The following SRMS variants were observed in gnomAD, a reference collection of about 807,000 sequenced individuals.
The protein encoded by SRMS is src-related kinase lacking C-terminal regulatory tyrosine and N-terminal myristylation sites.
SRMS carries 42 observed loss-of-function variants against 43.5 expected under a neutral mutation model. The observed-to-expected ratio is 0.97, with a 90% CI of 0.75 to 1.25. The LOEUF (loss-of-function observed/expected upper bound fraction) is 1.25, where lower values mean the gene tolerates loss of function less well. Among genes scored for constraint, SRMS ranks in the 50% most tolerant of loss-of-function variants. The pLI is 0.00. For missense variants in SRMS, 703 were observed against 681.0 expected, an observed-to-expected ratio of 1.03 and a Z score of -0.36; for synonymous variants, 316 against 308.2, an observed-to-expected ratio of 1.03 and a Z score of -0.27.
In SRMS at chr20:63,539,401, C is replaced by T. The variant is rs749321711; in HGVS notation, c.*1417G>A. Among the ~76,000 whole-genome samples, 16 of 152,208 alleles carry T rather than the reference C, an allele frequency of 1.1e-4. No individual in the cohort carries two copies. Among genetic ancestry groups the T allele is most frequent in the Non-Finnish European group, 1.9e-4 (13 of 68,030 alleles). ...GCTCCCTCCTGAGCCAGGCTTTGGC[C>T]GGGGCCTGTGGACGGCAGCCATCAG... On this transcript the variant is annotated 3_prime_UTR_variant, in exon 8 of 8. Transcript: ENST00000217188.
chr20:63,546,195 C>T (rs2082729642), intron 1 of SRMS, among the ~76,000 whole-genome samples: 1 of 152,160 alleles, frequency 6.6e-6, no homozygotes, highest in Non-Finnish European at 1.5e-5. Context: ...AGGCTGCTTG[C>T]CCCCCAACCA....
chr20:63,544,814 C>G (rs2082722661), intron 1 of SRMS, among the ~76,000 whole-genome samples: 1 of 152,230 alleles, frequency 6.6e-6, no homozygotes, highest in Non-Finnish European at 1.5e-5. Context: ...CTGCCTCAGG[C>G]AGTTGGTTAG....
rs2082703527 is a variant in SRMS at position 63,541,516 on chromosome 20, A to G, written c.1051T>C (p.Leu351=). ...LEEQRVVHRD[L]AARNVLVDDG... ...TCCACGAGCACGTTCCGGGCGGCCAAGTCCCGGTGCACAACGCGCTGCTCC... is the reference window on the plus strand; with the variant it reads ...TCCACGAGCACGTTCCGGGCGGCCAGGTCCCGGTGCACAACGCGCTGCTCC... Residue 351 remains leucine, a synonymous_variant, in exon 6 of 8, where the codon TTG becomes CTG. Transcript: ENST00000217188. 1.2e-6 allele frequency: 2 copies of G among 1,605,736 alleles called. No individual in the cohort carries two copies. Among genetic ancestry groups the G allele is most frequent in the East Asian group, 4.5e-5 (2 of 44,594 alleles).
Position 63,541,422 on chromosome 20 carries a change from C to T in SRMS, c.1128+17G>A. 1.3e-6 allele frequency: 2 copies of T among 1,588,042 alleles called. No individual in the cohort carries two copies. Among genetic ancestry groups the T allele is most frequent in the Non-Finnish European group, 1.7e-6 (2 of 1,169,728 alleles). ...CACCCACCCCCTCTGGGTCAGGGGCCCAGAGCCTCCGCTGACCTTGAGCAG... is the reference window on the plus strand; with the variant it reads ...CACCCACCCCCTCTGGGTCAGGGGCTCAGAGCCTCCGCTGACCTTGAGCAG... On this transcript the variant is annotated intron_variant, in intron 6 of 7. Transcript: ENST00000217188.
rs528172822 is a variant in SRMS at position 63,540,538 on chromosome 20, C to T, written c.*280G>A. Among the ~76,000 whole-genome samples the T allele has an allele frequency of 4.0e-5, 6 of 151,034 alleles. No individual in the cohort carries two copies. Among genetic ancestry groups the T allele is most frequent in the Non-Finnish European group, 5.9e-5 (4 of 67,732 alleles). ...CTCCGTCTGCACGAGTCACACTGCA[C>T]GGGGAACGTCAGCCCCAGCCCTTCG... On this transcript the variant is annotated 3_prime_UTR_variant, in exon 8 of 8. Coordinates refer to ENST00000217188, the MANE Select transcript of SRMS (RefSeq NM_080823.4).
chr20:63,544,339 A>G lies in SRMS; in HGVS notation c.366T>C (p.Phe122=), dbSNP rs116884515. 6.5e-4 allele frequency: 957 copies of G among 1,472,478 alleles called. 17 individuals carry two copies. The East Asian group carries it at 0.027, about 41-fold the overall frequency. The allele number at this position is 1,472,478 out of a possible 1,614,324, so 91.2% of individuals were successfully genotyped here. A position where few individuals can be genotyped will look rare whatever the true frequency, so the allele number is the denominator to read the frequency against. The change falls in exon 2 of 8, where the codon TTT becomes TTC. Residue 122 remains phenylalanine (F), a synonymous_variant. Coordinates refer to ENST00000217188, the MANE Select transcript of SRMS (RefSeq NM_080823.4). ...GTGCCTGGGTCCGACTGACCCCGCT[A>G]AAGTACCAGCTGCAAACAGCAGGTG... ...PETLSDQPWY[F]SGVSRTQAQQ... is the part of the protein sequence containing the mutation.
chr20:63,547,567 G>A lies in SRMS; in HGVS notation c.-104C>T. On this transcript the variant is annotated 5_prime_UTR_variant, in exon 1 of 8. Transcript: ENST00000217188. ...CCCGGTGTCCAGCGCTCCCTGCCCT[G>A]GCCGTGGGGTGACAGGGGACCCCGG... The A allele has an allele frequency of 8.8e-7, 1 of 1,141,996 alleles. No individual in the cohort carries two copies. Among genetic ancestry groups the A allele is most frequent in the Non-Finnish European group, 1.2e-6 (1 of 847,722 alleles). 70.7% of individuals were successfully genotyped at this position (1,141,996 alleles called of 1,614,324 possible).
At chr20:63,541,027 C>G (rs557057229) in intron 7 of SRMS, 28 bp from the exon 8 acceptor site, 2 of 1,606,926 alleles carry the variant, frequency 1.2e-6, no homozygotes, top group Non-Finnish European at 1.7e-6. Context: ...AGAGCTGCCT[C>G]GATTCTGCCT....
At chr20:63,546,142 G>C (rs1210195879) in intron 1 of SRMS, among the ~76,000 whole-genome samples, 1 of 152,246 alleles carries the variant, frequency 6.6e-6, no homozygotes, top group African/African-American at 2.4e-5. Flanking sequence ...GAAGGGGTCT[G>C]TCCTCCACAC....
intron 1 of SRMS, 76 bp from the exon 2 acceptor site, chr20:63,544,424 G>T (rs1035270114): frequency 7.2e-7 from 1 of 1,390,110 alleles, no homozygotes; most frequent in African/African-American, 1.5e-5. Flanking sequence ...CCGTGTTGCC[G>T]GCAGGGCTGA....
At chr20:63,544,498 G>A in intron 1 of SRMS, 150 bp from the exon 2 acceptor site, 1 of 1,054,168 alleles carries the variant, frequency 9.5e-7, no homozygotes, top group South Asian at 2.1e-5. Context: ...CCAGCTCAAG[G>A]TCTGCACTGC....
chr20:63,546,435 G>A (rs1329196070), intron 1 of SRMS, among the ~76,000 whole-genome samples: 16 of 152,316 alleles, frequency 1.1e-4, no homozygotes, highest in South Asian at 1.0e-3. Flanking sequence ...CAGAGCAGCC[G>A]CACTGGGCAT....
chr20:63,541,598 A>G lies in SRMS; in HGVS notation c.969T>C (p.Arg323=), dbSNP rs770847864. 1 of 1,561,198 alleles carries G rather than the reference A, an allele frequency of 6.4e-7. No individual in the cohort carries two copies. The highest frequency in any genetic ancestry group is 1.2e-5 in the South Asian group (1 of 86,680). Residue 323 remains arginine, a synonymous_variant, in exon 6 of 8, where the codon CGT becomes CGC. Coordinates refer to ENST00000217188, the MANE Select transcript of SRMS (RefSeq NM_080823.4). ...FLGTPEGRAL[R]LPPLLGFACQ... ...AGGCAAAGCCCAGGAGTGGCGGCAG[A>G]CGCAGGGCCCGGCCCTCGGGGGCTG... is the stretch of plus-strand genomic sequence containing the variant.
chr20:63,547,021 G>T lies in SRMS; in HGVS notation c.356+87C>A. 3 of 1,208,102 alleles carry T rather than the reference G, an allele frequency of 2.5e-6. No homozygotes were observed. The Admixed American group carries it at 7.4e-5, about 30-fold the overall frequency. 74.8% of individuals were successfully genotyped at this position (1,208,102 alleles called of 1,614,324 possible). A position where few individuals can be genotyped will look rare whatever the true frequency, so the allele number is the denominator to read the frequency against. ...TGAATGAACAGATAGCCACGGACAT[G>T]CGATTTCCAACTCAAAATCCTGCCG... On this transcript the variant is annotated intron_variant, in intron 1 of 7. Coordinates refer to ENST00000217188, the MANE Select transcript of SRMS (RefSeq NM_080823.4).
chr20:63,541,350 G>C lies in SRMS; in HGVS notation c.1129-3C>G. ...CTGCTCGGGGAGTAGATGTCGTCCT[G>C]GGGGCGAGGGAAGGCCCCTGGTAGG... On this transcript the variant is annotated splice_polypyrimidine_tract_variant and splice_region_variant and intron_variant, in intron 6 of 7. Coordinates refer to ENST00000217188, the MANE Select transcript of SRMS (RefSeq NM_080823.4). 6.5e-7 allele frequency: 1 copy of C among 1,541,728 alleles called. No individual in the cohort carries two copies. The highest frequency in any genetic ancestry group is 8.7e-7 in the Non-Finnish European group (1 of 1,146,046).
In SRMS at chr20:63,544,984, G is replaced by A. The variant is rs557920424; in HGVS notation, c.357-636C>T. On this transcript the variant is annotated intron_variant, in intron 1 of 7. Transcript: ENST00000217188. ...TGGAGAGTTGTGCCCAGTACAGGAC[G>A]GCCCTAAGCCCACTGGCGTCTGTTC... Among the ~76,000 whole-genome samples, 9 of 152,350 alleles carry A rather than the reference G, an allele frequency of 5.9e-5. No individual in the cohort carries two copies. In the South Asian group the frequency reaches 8.3e-4, roughly 14 times the overall value.
rs1319455544 is a variant in SRMS at position 63,540,847 on chromosome 20, G to T, written c.1438C>A (p.Leu480Met). ...GGGTGGCATCTGTGGATGGCGTGCA[G>T]CTTCTCCCGCAGCGTGGCGAAGGAG... ...RPSFATLREK[L>M]HAIHRCHP Residue 480 changes from leucine (L) to methionine (M), a missense_variant, in exon 8 of 8, where the codon CTG (leucine) becomes ATG (methionine). Coordinates refer to ENST00000217188, the MANE Select transcript of SRMS (RefSeq NM_080823.4). 6.2e-7 allele frequency: 1 copy of T among 1,604,656 alleles called. No individual in the cohort carries two copies. Among genetic ancestry groups the T allele is most frequent in the Non-Finnish European group, 8.5e-7 (1 of 1,178,352 alleles).
chr20:63,542,257 C>T lies in SRMS; in HGVS notation c.852G>A (p.Arg284=). ...AGCACACTGCGTGCAGCCGGATGAGCCGCTCGTGCCGCAGGCCCTTCAGTG... is the reference window on the plus strand; with the variant it reads ...AGCACACTGCGTGCAGCCGGATGAGTCGCTCGTGCCGCAGGCCCTTCAGTG... ...IQTLKGLRHE[R]LIRLHAVCSG... Residue 284 remains arginine (R), a synonymous_variant, in exon 5 of 8, where the codon CGG becomes CGA. Transcript: ENST00000217188. 1 of 1,612,662 alleles carries T rather than the reference C, an allele frequency of 6.2e-7. No homozygotes were observed. The highest frequency in any genetic ancestry group is 8.5e-7 in the Non-Finnish European group (1 of 1,179,708).
At position 63,542,065 on chromosome 20, in the gene SRMS, G is replaced by A. The variant is rs537997045; in HGVS notation, c.946+98C>T. On this transcript the variant is annotated intron_variant, in intron 5 of 7. Transcript: ENST00000217188. ...CCACCTGCTCCCGGTAGAGAGGCCCGGTTCACCTCGGAAACCCCGCAGGTT... is the reference window on the plus strand; with the variant it reads ...CCACCTGCTCCCGGTAGAGAGGCCCAGTTCACCTCGGAAACCCCGCAGGTT... 3.1e-5 allele frequency: 47 copies of A among 1,499,888 alleles called. No individual in the cohort carries two copies. In the African/African-American group the frequency reaches 4.6e-4, roughly 15 times the overall value. The allele number at this position is 1,499,888 out of a possible 1,614,324, so 92.9% of individuals were successfully genotyped here.
Sources: allele counts gnomAD v4.1 joint callset (sites outside exome capture counted in the v4.1 genomes callset), GRCh38; gene constraint gnomAD v4.1.1; transcripts MANE v1.5; gene names NCBI Gene and HGNC (gene_info 2026-07-23, HGNC 2026-07-21).